The following TSPAN7 variants were observed in gnomAD, a reference collection of about 807,000 sequenced individuals.
TSPAN7 encodes tetraspanin-7.
In TSPAN7, 1 loss-of-function variant was observed where a neutral mutation model predicts 17.6. That is an observed-to-expected ratio of 0.06 (90% CI 0.02 to 0.27). The LOEUF is 0.27. TSPAN7 is among the 10% of genes least tolerant of loss of function. The pLI, the probability that TSPAN7 is intolerant of heterozygous loss-of-function variation, is 1.00. For synonymous variants in TSPAN7, 78 were observed against 79.0 expected (o/e 0.99, Z 0.07); for missense variants, 112 against 201.7 (o/e 0.56, Z 2.69).
intron 1 of TSPAN7, among the ~76,000 whole-genome samples, chrX:38,638,432 G>A (rs2069594088): frequency 8.9e-6 from 1 of 112,260 alleles, no homozygotes; most frequent in South Asian, 3.7e-4. Context: ...CATGCTCATA[G>A]TGAGGGTAAG....
intron 1 of TSPAN7, among the ~76,000 whole-genome samples, chrX:38,658,434 C>T (rs1361532849): frequency 9.0e-6 from 1 of 110,901 alleles, no homozygotes; most frequent in African/African-American, 3.3e-5. Flanking sequence ...CCCGCCTTGG[C>T]CTCCCAAAGT....
intron 1 of TSPAN7, among the ~76,000 whole-genome samples, chrX:38,564,924 C>G (rs2069133824): frequency 9.0e-6 from 1 of 111,557 alleles, no homozygotes; most frequent in African/African-American, 3.3e-5. Flanking sequence ...TGTGGGTTAT[C>G]TTTAGATGGT....
At chrX:38,675,451 G>A (rs2069846958) in intron 4 of TSPAN7, among the ~76,000 whole-genome samples, 1 of 111,953 alleles carries the variant, frequency 8.9e-6, no homozygotes, top group Admixed American at 9.5e-5. Context: ...GGACACAGAC[G>A]CACTGCTTTG....
intron 2 of TSPAN7, among the ~76,000 whole-genome samples, chrX:38,668,059 A>C (rs1258268318): frequency 8.9e-6 from 1 of 112,053 alleles, no homozygotes; most frequent in Non-Finnish European, 1.9e-5. Flanking sequence ...AGAAAAGAAA[A>C]AATTCTAAAA....
intron 2 of TSPAN7, among the ~76,000 whole-genome samples, chrX:38,666,686 C>T (rs1476884117): frequency 4.5e-5 from 5 of 110,145 alleles, no homozygotes; most frequent in African/African-American, 1.3e-4. Context: ...GCAAGCTCCA[C>T]CCCCTGGGTT....
chrX:38,580,565 G>A (rs1230711711), intron 1 of TSPAN7, among the ~76,000 whole-genome samples: 1 of 111,690 alleles, frequency 9.0e-6, no homozygotes, highest in Non-Finnish European at 1.9e-5. Flanking sequence ...CAGCAACAAA[G>A]GAGTAACCAC....
At chrX:38,609,042 C>T (rs1404551881) in intron 1 of TSPAN7, among the ~76,000 whole-genome samples, 1 of 111,529 alleles carries the variant, frequency 9.0e-6, no homozygotes, top group East Asian at 2.8e-4. Flanking sequence ...AGGATAAATC[C>T]GTGTTAGAGG....
At chrX:38,577,822 A>G (rs2069204712) in intron 1 of TSPAN7, among the ~76,000 whole-genome samples, 1 of 109,787 alleles carries the variant, frequency 9.1e-6, no homozygotes, top group Non-Finnish European at 1.9e-5. Context: ...AAAAAAAAAA[A>G]GAGACGTGGT....
chrX:38,592,452 T>C (rs1261176061), intron 1 of TSPAN7, among the ~76,000 whole-genome samples: 1 of 111,753 alleles, frequency 8.9e-6, no homozygotes, highest in Non-Finnish European at 1.9e-5. Flanking sequence ...ATTTGTCCCA[T>C]CACTTCTTTA....
intron 1 of TSPAN7, among the ~76,000 whole-genome samples, chrX:38,603,261 T>C (rs1385167875): frequency 9.0e-6 from 1 of 111,476 alleles, no homozygotes; most frequent in African/African-American, 3.3e-5. Context: ...AAAAAAGAAG[T>C]GTTGGCAAGG....
Position 38,637,146 on chromosome X carries a change from T to A in TSPAN7, c.82-28975T>A, listed in dbSNP as rs1294467557. On this transcript the variant is annotated intron_variant, in intron 1 of 7. Coordinates refer to ENST00000378482, the MANE Select transcript of TSPAN7 (RefSeq NM_004615.4). ...GCTAGCAACCCTGGAAGTTCCTGTGTCCTGGTTAGGATTTCAGCTTACTGC... is the reference window on the plus strand; with the variant it reads ...GCTAGCAACCCTGGAAGTTCCTGTGACCTGGTTAGGATTTCAGCTTACTGC... Among the ~76,000 whole-genome samples the A allele has an allele frequency of 7.1e-5, 8 of 112,150 alleles. No homozygotes were observed. In the Admixed American group the frequency reaches 7.5e-4, roughly 11 times the overall value.
intron 5 of TSPAN7, among the ~76,000 whole-genome samples, chrX:38,680,738 C>T: frequency 9.0e-6 from 1 of 111,592 alleles, no homozygotes; most frequent in Non-Finnish European, 1.9e-5. Context: ...TTTCATCATT[C>T]ATTGTCAAAA....
chrX:38,687,634 G>A lies in TSPAN7; in HGVS notation c.717G>A (p.Arg239=). ...TGCTGCTGGCCTGCTGTCTGTCCCG[G>A]TTCATCACGGCCAATCAGTATGAGA... ...IGMLLACCLS[R]FITANQYEMV is the part of the protein sequence containing the mutation. Residue 239 remains arginine, a synonymous_variant, in exon 7 of 8, where the codon CGG becomes CGA. Coordinates refer to ENST00000378482, the MANE Select transcript of TSPAN7 (RefSeq NM_004615.4). 8.3e-7 allele frequency: 1 copy of A among 1,210,961 alleles called. No homozygotes were observed. The highest frequency in any genetic ancestry group is 1.8e-5 in the South Asian group (1 of 56,616).
At chrX:38,584,496 C>T (rs2069247249) in intron 1 of TSPAN7, among the ~76,000 whole-genome samples, 1 of 111,261 alleles carries the variant, frequency 9.0e-6, no homozygotes, top group African/African-American at 3.3e-5. Flanking sequence ...AAAATTTCTC[C>T]ACTCATTTCT....
chrX:38,685,129 G>A (rs1485030047), intron 6 of TSPAN7, among the ~76,000 whole-genome samples: 2 of 111,384 alleles, frequency 1.8e-5, no homozygotes, highest in Non-Finnish European at 3.8e-5. Flanking sequence ...CTTTTGGGGG[G>A]CCCTTGAGAA....
At chrX:38,666,017 C>T (rs1165184412) in intron 1 of TSPAN7, 104 bp from the exon 2 acceptor site, 5 of 740,233 alleles carry the variant, frequency 6.8e-6, no homozygotes, top group East Asian at 6.8e-5. Context: ...CAGCAAGTAC[C>T]GTCTTATTCA....
intron 1 of TSPAN7, among the ~76,000 whole-genome samples, chrX:38,598,828 G>A (rs1210437765): frequency 9.0e-6 from 1 of 111,729 alleles, no homozygotes; most frequent in Non-Finnish European, 1.9e-5. Context: ...AAAGGAAAGT[G>A]AAGAAATTAG....
chrX:38,659,805 T>TTTTTTC (rs1569313431), intron 1 of TSPAN7, among the ~76,000 whole-genome samples: 1 of 99,901 alleles, frequency 1.0e-5, no homozygotes, highest in Non-Finnish European at 2.0e-5. Flanking sequence ...CTAACATTCT[T>TTTTTTC]TTTTTCTTTT....
chrX:38,578,192 A>G (rs1309137388), intron 1 of TSPAN7, among the ~76,000 whole-genome samples: 1 of 111,807 alleles, frequency 8.9e-6, no homozygotes, highest in Non-Finnish European at 1.9e-5. Flanking sequence ...TTCATTTAAG[A>G]GGCATAAGAT....
Sources: gnomAD v4.1 joint callset for allele counts (sites outside exome capture counted in the v4.1 genomes callset) on GRCh38, gnomAD v4.1.1 for gene constraint, MANE v1.5 for transcripts, NCBI Gene and HGNC (gene_info 2026-07-23, HGNC 2026-07-21) for gene names.